RPS6KC1: variants seen among roughly 807,000 people sequenced by gnomAD.
The protein encoded by RPS6KC1 is ribosomal protein S6 kinase C1.
RPS6KC1 carries 54 observed loss-of-function variants against 103.8 expected under a neutral mutation model. That is an observed-to-expected ratio of 0.52 (90% CI 0.42 to 0.65). RPS6KC1 has a LOEUF of 0.65. RPS6KC1 is among the 30% of genes least tolerant of loss of function. The pLI is 0.00. For synonymous variants in RPS6KC1, 439 were observed against 438.7 expected (o/e 1.00, Z -0.01); for missense variants, 1,151 against 1,253.8 (o/e 0.92, Z 1.24).
At chr1:213,860,596 C>T in the RPS6KC1 span, among the ~76,000 whole-genome samples, 1 of 151,940 alleles carries the variant, frequency 6.6e-6, no homozygotes, top group South Asian at 2.1e-4. Context: ...AGTAGGAATT[C>T]TGCATGCAGA....
the RPS6KC1 span, among the ~76,000 whole-genome samples, chr1:213,737,372 G>A: frequency 1.6e-4 from 24 of 152,292 alleles, no homozygotes; most frequent in African/African-American, 5.8e-4. Context: ...TACTCACCAT[G>A]ACCATGACAG....
chr1:213,228,781 G>T (rs1161847511), intron 8 of RPS6KC1, among the ~76,000 whole-genome samples: 1 of 152,018 alleles, frequency 6.6e-6, no homozygotes, highest in East Asian at 1.9e-4. Context: ...TTTTTGGGAG[G>T]ATTAATATTG....
chr1:213,299,551 CA>C, the RPS6KC1 span, among the ~76,000 whole-genome samples: 34,489 of 103,736 alleles, frequency 0.33, 4,015 homozygotes, highest in Middle Eastern at 0.43. Context: ...GACTCCATCT[CA>C]AAAAAAAAAA....
the RPS6KC1 span, among the ~76,000 whole-genome samples, chr1:213,305,106 A>G: frequency 1.3e-5 from 2 of 151,668 alleles, no homozygotes; most frequent in African/African-American, 4.8e-5. Context: ...CTTTTTTTTG[A>G]GAGAGTGTTG....
At chr1:213,339,537 C>T in the RPS6KC1 span, among the ~76,000 whole-genome samples, 2 of 152,180 alleles carry the variant, frequency 1.3e-5, no homozygotes, top group African/African-American at 2.4e-5. Flanking sequence ...AGCGATCATT[C>T]GGTGAGACCA....
At chr1:213,449,579 A>G in the RPS6KC1 span, among the ~76,000 whole-genome samples, 1 of 152,080 alleles carries the variant, frequency 6.6e-6, no homozygotes, top group Non-Finnish European at 1.5e-5. Context: ...TTACCTCTTT[A>G]ACGGCCATAT....
chr1:213,372,768 C>CT, the RPS6KC1 span, among the ~76,000 whole-genome samples: 8 of 151,258 alleles, frequency 5.3e-5, no homozygotes, highest in African/African-American at 7.3e-5. Flanking sequence ...ATCTATCGCT[C>CT]TTTTTTTTTA....
At chr1:213,075,307 C>G (rs1024985119) in intron 2 of RPS6KC1, among the ~76,000 whole-genome samples, 1 of 152,066 alleles carries the variant, frequency 6.6e-6, no homozygotes, top group Admixed American at 6.6e-5. Flanking sequence ...GCCCATCAAC[C>G]ATTTCTCCTT....
the RPS6KC1 span, among the ~76,000 whole-genome samples, chr1:213,780,989 C>T: frequency 6.6e-6 from 1 of 152,124 alleles, no homozygotes; most frequent in Non-Finnish European, 1.5e-5. Context: ...TGCCACTGCA[C>T]TCCAATCTGG....
chr1:213,151,545 G>A lies in RPS6KC1; in HGVS notation c.836-16313G>A, dbSNP rs1441523372. The stretch of plus-strand genomic sequence containing the variant: ...GGGCTCCTCGCTTCCCAGTAGGGGC[G>A]GCTGGGCAGAGGCGCCCCTCACCTC... On this transcript the variant is annotated intron_variant, in intron 6 of 14. Transcript: ENST00000366960. Among the ~76,000 whole-genome samples, 6 of 89,406 alleles carry A rather than the reference G, an allele frequency of 6.7e-5. 1 individual carries two copies. The highest frequency in any genetic ancestry group is 1.6e-4 in the African/African-American group (3 of 18,528). The allele number at this position is 89,406 out of a possible 152,430, so 58.7% of individuals were successfully genotyped here. A position where few individuals can be genotyped will look rare whatever the true frequency, so the allele number is the denominator to read the frequency against.
intron 4 of RPS6KC1, among the ~76,000 whole-genome samples, chr1:213,105,347 T>TA (rs201880651): frequency 1.3e-5 from 2 of 149,820 alleles, no homozygotes; most frequent in Admixed American, 6.7e-5. Flanking sequence ...GTTAACCTTC[T>TA]AAAAAAAAAG....
chr1:213,372,856 T>C, the RPS6KC1 span, among the ~76,000 whole-genome samples: 1 of 152,042 alleles, frequency 6.6e-6, no homozygotes, highest in African/African-American at 2.4e-5. Context: ...TATAGAAGGA[T>C]AGATATACAA....
chr1:213,734,355 C>A, the RPS6KC1 span, among the ~76,000 whole-genome samples: 1 of 152,170 alleles, frequency 6.6e-6, no homozygotes, highest in African/African-American at 2.4e-5. Flanking sequence ...TCAGAATGGC[C>A]ACATGAGAGT....
chr1:213,342,336 C>T, the RPS6KC1 span, among the ~76,000 whole-genome samples: 8 of 152,212 alleles, frequency 5.3e-5, no homozygotes, highest in Admixed American at 5.2e-4. Context: ...GAAGTTTCAT[C>T]ATCTTGTTTA....
At chr1:213,379,035 G>T in the RPS6KC1 span, among the ~76,000 whole-genome samples, 3 of 152,196 alleles carry the variant, frequency 2.0e-5, no homozygotes, top group Non-Finnish European at 2.9e-5. Flanking sequence ...TCTCGGCAAG[G>T]GTTGGGTGGT....
the RPS6KC1 span, among the ~76,000 whole-genome samples, chr1:213,767,971 T>C: frequency 1.3e-5 from 2 of 152,288 alleles, no homozygotes; most frequent in Middle Eastern, 3.4e-3. Context: ...GGCAAGCAGA[T>C]AGCAGGTAGG....
At chr1:213,679,506 A>G in the RPS6KC1 span, among the ~76,000 whole-genome samples, 1 of 152,208 alleles carries the variant, frequency 6.6e-6, no homozygotes, top group Non-Finnish European at 1.5e-5. Context: ...AAAGTTACTG[A>G]TAGGAGGTGA....
At chr1:213,363,638 CTTT>C in the RPS6KC1 span, among the ~76,000 whole-genome samples, 1 of 41,994 alleles carries the variant, frequency 2.4e-5, no homozygotes, top group Non-Finnish European at 4.4e-5. Flanking sequence ...TTCTTTCTTT[CTTT>C]CTTTCTTTCT....
At chr1:213,738,707 A>C in the RPS6KC1 span, among the ~76,000 whole-genome samples, 1 of 152,084 alleles carries the variant, frequency 6.6e-6, no homozygotes, top group East Asian at 1.9e-4. Flanking sequence ...ATTATTACTA[A>C]AATAAGGCCG....
Sources: gnomAD v4.1 joint callset for allele counts (sites outside exome capture counted in the v4.1 genomes callset) on GRCh38, gnomAD v4.1.1 for gene constraint, MANE v1.5 for transcripts, NCBI Gene and HGNC (gene_info 2026-07-23, HGNC 2026-07-21) for gene names.